RIMS2: variants seen among roughly 807,000 people sequenced by gnomAD.
The protein encoded by RIMS2 is regulating synaptic membrane exocytosis 2.
RIMS2 carries 59 observed loss-of-function variants against 174.4 expected under a neutral mutation model. That is an observed-to-expected ratio of 0.34 (90% CI 0.27 to 0.42). The LOEUF is 0.42. Among genes scored for constraint, RIMS2 ranks in the 10% least tolerant of loss-of-function variants. RIMS2 has a pLI of 1.00. For missense variants in RIMS2, 1,620 were observed against 1,666.3 expected, an observed-to-expected ratio of 0.97 and a Z score of 0.48; for synonymous variants, 606 against 572.5, an observed-to-expected ratio of 1.06 and a Z score of -0.84.
intron 1 of RIMS2, among the ~76,000 whole-genome samples, chr8:103,687,884 A>C (rs1181331735): frequency 3.3e-5 from 2 of 60,858 alleles, no homozygotes; most frequent in African/African-American, 1.9e-4. Flanking sequence ...GTTTATATAT[A>C]CCGCATTTTT....
At chr8:103,752,424 G>A (rs922697290) in intron 2 of RIMS2, among the ~76,000 whole-genome samples, 12 of 152,066 alleles carry the variant, frequency 7.9e-5, no homozygotes, top group Non-Finnish European at 1.2e-4. Flanking sequence ...GGATTGACTT[G>A]GCGATGCGGG....
chr8:104,027,369 T>G (rs1487452695), intron 19 of RIMS2, among the ~76,000 whole-genome samples: 2 of 152,188 alleles, frequency 1.3e-5, no homozygotes, highest in Non-Finnish European at 2.9e-5. Context: ...TAATTTACTT[T>G]TGTTTCCCTT....
chr8:103,596,201 G>A (rs2094472622), intron 1 of RIMS2, among the ~76,000 whole-genome samples: 1 of 151,844 alleles, frequency 6.6e-6, no homozygotes, highest in Non-Finnish European at 1.5e-5. Flanking sequence ...AGTGCTATAT[G>A]TTTTATTTTT....
At chr8:103,702,547 T>G (rs1303554137) in intron 2 of RIMS2, among the ~76,000 whole-genome samples, 2 of 152,182 alleles carry the variant, frequency 1.3e-5, no homozygotes, top group African/African-American at 4.8e-5. Context: ...GTGCCACAGT[T>G]TCAGGTCTTA....
intron 1 of RIMS2, among the ~76,000 whole-genome samples, chr8:103,567,257 T>G (rs1455185829): frequency 6.6e-6 from 1 of 152,160 alleles, no homozygotes; most frequent in Non-Finnish European, 1.5e-5. Flanking sequence ...CACTATCCAG[T>G]TTTGGAATAT....
At chr8:104,034,006 G>C (rs186024703) in intron 19 of RIMS2, among the ~76,000 whole-genome samples, 2 of 152,160 alleles carry the variant, frequency 1.3e-5, no homozygotes, top group East Asian at 3.9e-4. Flanking sequence ...TAATTTTTAT[G>C]TGCTGAAATC....
At chr8:103,545,319 TAAAAACAAAA>T (rs1461319981) in intron 1 of RIMS2, among the ~76,000 whole-genome samples, 6 of 149,894 alleles carry the variant, frequency 4.0e-5, no homozygotes, top group African/African-American at 1.5e-4. Flanking sequence ...AGAAAGAAAT[TAAAAACAAAA>T]AAAAACAAAA....
At chr8:103,529,013 C>A (rs529395998) in intron 1 of RIMS2, among the ~76,000 whole-genome samples, 13 of 152,310 alleles carry the variant, frequency 8.5e-5, no homozygotes, top group African/African-American at 2.9e-4. Context: ...ACTGAGTCTT[C>A]CTATCCATGA....
chr8:103,943,475 G>A (rs1270231354), intron 14 of RIMS2, among the ~76,000 whole-genome samples: 1 of 152,074 alleles, frequency 6.6e-6, no homozygotes, highest in Non-Finnish European at 1.5e-5. Flanking sequence ...AAGGGAAATA[G>A]TAATACCTGC....
At chr8:103,964,776 T>G (rs1008439384) in intron 15 of RIMS2, among the ~76,000 whole-genome samples, 1 of 152,204 alleles carries the variant, frequency 6.6e-6, no homozygotes, top group African/African-American at 2.4e-5. Context: ...CTATGTTATC[T>G]TCTAGGAGTT....
At chr8:104,036,688 C>T (rs146059286) in intron 19 of RIMS2, among the ~76,000 whole-genome samples, 1,962 of 151,674 alleles carry the variant, frequency 0.013, 23 homozygotes, top group Middle Eastern at 0.11. Context: ...ACCAGACTGA[C>T]CAACATGGTG....
chr8:104,084,446 A>AAAAAAG (rs1193873935), intron 19 of RIMS2, among the ~76,000 whole-genome samples: 1 of 151,380 alleles, frequency 6.6e-6, no homozygotes, highest in African/African-American at 2.4e-5. Flanking sequence ...TCAAAAAAAA[A>AAAAAAG]AAAAAAAAAA....
rs1317140297 is a variant in RIMS2, at chr8:104,022,536, C to T, written c.3334+7921C>T. ...AGCTGGGATTACAGGTGCCTGCCACCACACCCAGCTAAGTTTTCTATTTCT... is the reference window on the plus strand; with the variant it reads ...AGCTGGGATTACAGGTGCCTGCCACTACACCCAGCTAAGTTTTCTATTTCT... On this transcript the variant is annotated intron_variant, in intron 19 of 23. Coordinates refer to ENST00000504942, the Ensembl canonical transcript of RIMS2. 5.9e-5 allele frequency among the ~76,000 whole-genome samples: 9 copies of T among 152,122 alleles called. No individual in the cohort carries two copies. In the South Asian group the frequency reaches 1.0e-3, roughly 17 times the overall value.
intron 1 of RIMS2, among the ~76,000 whole-genome samples, chr8:103,578,111 G>T (rs370742509): frequency 6.6e-6 from 1 of 152,120 alleles, no homozygotes; most frequent in East Asian, 1.9e-4. Context: ...TAAATATCCA[G>T]GTGCAGGAAG....
rs148468077 is a variant in RIMS2 at position 104,191,479 on chromosome 8, A to G, written c.3335-53437A>G. On this transcript the variant is annotated intron_variant, in intron 19 of 23. Coordinates refer to ENST00000504942, the Ensembl canonical transcript of RIMS2. ...ATCATACATGTATAGAGTGAGTTCT[A>G]TGCCTTTCCAAGAAACAATTGAGCT... Among the ~76,000 whole-genome samples the G allele has an allele frequency of 2.6e-5, 4 of 152,264 alleles. No individual in the cohort carries two copies. In the East Asian group the frequency reaches 5.8e-4, roughly 22 times the overall value.
intron 2 of RIMS2, among the ~76,000 whole-genome samples, chr8:103,700,913 A>G (rs914636771): frequency 2.6e-5 from 4 of 152,092 alleles, no homozygotes; most frequent in Admixed American, 6.5e-5. Context: ...GTTGGATTCT[A>G]TGTTACTGGT....
chr8:103,540,492 T>G (rs951312991), intron 1 of RIMS2, among the ~76,000 whole-genome samples: 1 of 152,144 alleles, frequency 6.6e-6, no homozygotes, highest in Non-Finnish European at 1.5e-5. Context: ...GTAAGCACCC[T>G]TGTACCCCCA....
chr8:103,625,551 CACA>C (rs1182895553), intron 1 of RIMS2, among the ~76,000 whole-genome samples: 4 of 151,968 alleles, frequency 2.6e-5, no homozygotes, highest in African/African-American at 9.7e-5. Context: ...GTTTAGTCCT[CACA>C]ACAACATATA....
At chr8:103,554,870 G>A (rs1849706724) in intron 1 of RIMS2, among the ~76,000 whole-genome samples, 1 of 152,148 alleles carries the variant, frequency 6.6e-6, no homozygotes, top group Non-Finnish European at 1.5e-5. Flanking sequence ...AGAAGATCAT[G>A]TCCTTTGCAG....
Sources: gnomAD v4.1 joint callset for allele counts (sites outside exome capture counted in the v4.1 genomes callset) on GRCh38, gnomAD v4.1.1 for gene constraint, MANE v1.5 for transcripts, NCBI Gene and HGNC (gene_info 2026-07-23, HGNC 2026-07-21) for gene names.